The following IGSF21 variants were observed in gnomAD, a reference collection of about 807,000 sequenced individuals.
IGSF21 encodes the protein immunoglobulin superfamily member 21.
IGSF21 carries 28 observed loss-of-function variants against 46.8 expected under a neutral mutation model. That is an observed-to-expected ratio of 0.60 (90% CI 0.44 to 0.82). IGSF21 has a LOEUF of 0.82. Ranked by LOEUF, IGSF21 falls within the 40% of genes least tolerant of loss-of-function variation. IGSF21 has a pLI of 0.00. For synonymous variants in IGSF21, 284 were observed against 273.6 expected (o/e 1.04, Z -0.38); for missense variants, 624 against 665.5 (o/e 0.94, Z 0.69).
intron 2 of IGSF21, among the ~76,000 whole-genome samples, chr1:18,241,614 G>A (rs970190772): frequency 1.2e-4 from 18 of 152,194 alleles, no homozygotes; most frequent in East Asian, 1.9e-4. Context: ...GCAGTATGAG[G>A]ACTGGACCCT....
Position 18,334,551 on chromosome 1 carries a change from A to C in IGSF21, c.306-341A>C, listed in dbSNP as rs543658388. ...CCATACTGCATGCAGCGACATACTA[A>C]ATGCCCATACCTCTTCACCTGTGCC... On this transcript the variant is annotated intron_variant, in intron 3 of 9. Coordinates refer to ENST00000251296, the MANE Select transcript of IGSF21 (RefSeq NM_032880.5). The surrounding 1 kb of genome is among the most constrained non-coding windows in gnomAD (Gnocchi z 4.3). 2.7e-4 allele frequency among the ~76,000 whole-genome samples: 41 copies of C among 152,166 alleles called. No homozygotes were observed. The highest frequency in any genetic ancestry group is 9.6e-4 in the African/African-American group (40 of 41,514).
intron 2 of IGSF21, among the ~76,000 whole-genome samples, chr1:18,265,242 A>G (rs2084979639): frequency 6.6e-6 from 1 of 152,128 alleles, no homozygotes; most frequent in Non-Finnish European, 1.5e-5. Context: ...AGAAATATTA[A>G]TGTTGAGTGA....
intron 1 of IGSF21, among the ~76,000 whole-genome samples, chr1:18,224,632 G>C (rs960772926): frequency 1.3e-5 from 2 of 152,156 alleles, no homozygotes; most frequent in Admixed American, 6.5e-5. Context: ...GTACGGAATA[G>C]ATTCTCAATT....
intron 1 of IGSF21, among the ~76,000 whole-genome samples, chr1:18,159,136 G>A (rs768001620): frequency 4.5e-4 from 69 of 152,202 alleles, no homozygotes; most frequent in Non-Finnish European, 8.1e-4. Flanking sequence ...AGTTCCTCCA[G>A]CTGTTCTGTT....
rs151031538 is a variant in IGSF21, at chr1:18,224,854, C to T, written c.71-3044C>T. ...CCCAGGCGGGTGGATCACTTGAGGT[C>T]AGGAGTTTGAGATCACCCTGGCCGA... On this transcript the variant is annotated intron_variant, in intron 1 of 9. Coordinates refer to ENST00000251296, the MANE Select transcript of IGSF21 (RefSeq NM_032880.5). Among the ~76,000 whole-genome samples, 47 of 152,068 alleles carry T rather than the reference C, an allele frequency of 3.1e-4. No individual in the cohort carries two copies. In the East Asian group the frequency reaches 7.6e-3, roughly 25 times the overall value.
intron 6 of IGSF21, among the ~76,000 whole-genome samples, chr1:18,374,593 C>G (rs1447826998): frequency 6.6e-6 from 1 of 151,622 alleles, no homozygotes; most frequent in Non-Finnish European, 1.5e-5. Flanking sequence ...GATTCCCTCT[C>G]CTTGGTGCAA....
intron 1 of IGSF21, among the ~76,000 whole-genome samples, chr1:18,138,422 A>G (rs2086386442): frequency 6.6e-6 from 1 of 152,056 alleles, no homozygotes; most frequent in South Asian, 2.1e-4. Flanking sequence ...TACTACTGCT[A>G]CTGTTATTGC....
At chr1:18,214,658 G>A (rs918919376) in intron 1 of IGSF21, among the ~76,000 whole-genome samples, 2 of 152,202 alleles carry the variant, frequency 1.3e-5, no homozygotes, top group Admixed American at 6.5e-5. Context: ...GGAAGGTGAA[G>A]GGGAAGCAAC....
intron 2 of IGSF21, among the ~76,000 whole-genome samples, chr1:18,280,500 A>G (rs1174553212): frequency 6.6e-6 from 1 of 152,142 alleles, no homozygotes; most frequent in East Asian, 1.9e-4. Flanking sequence ...TTTTACAGCT[A>G]ACAGCACTCA....
chr1:18,291,213 A>G (rs1467590723), intron 2 of IGSF21, among the ~76,000 whole-genome samples: 6 of 152,044 alleles, frequency 3.9e-5, no homozygotes, highest in African/African-American at 7.2e-5. Context: ...CGCTGGCTTC[A>G]TCGCCACCTC....
At position 18,378,470 on chromosome 1, in the gene IGSF21, A is replaced by G; in HGVS notation, c.*144A>G. The G allele has an allele frequency of 1.4e-6, 1 of 701,932 alleles. No individual in the cohort carries two copies. The highest frequency in any genetic ancestry group is 2.4e-6 in the Non-Finnish European group (1 of 423,630). The allele number at this position is 701,932 out of a possible 1,614,324, so 43.5% of individuals were successfully genotyped here. ...CAGTCGGTTTAATTAAAACAAACAG[A>G]ACAATTTTCCCCACCTCGGTTTGTG... On this transcript the variant is annotated 3_prime_UTR_variant, in exon 10 of 10. Transcript: ENST00000251296.
chr1:18,303,720 G>A (rs764842744), intron 3 of IGSF21, among the ~76,000 whole-genome samples: 53 of 152,338 alleles, frequency 3.5e-4, no homozygotes, highest in Admixed American at 6.5e-5. Flanking sequence ...GAGCAGGACA[G>A]GTAAGTTCTC....
chr1:18,153,010 G>A (rs535266219), intron 1 of IGSF21, among the ~76,000 whole-genome samples: 2 of 152,210 alleles, frequency 1.3e-5, no homozygotes, highest in Non-Finnish European at 2.9e-5. Context: ...GGAAAAGCAC[G>A]AGGGTTGATG....
intron 3 of IGSF21, among the ~76,000 whole-genome samples, chr1:18,302,194 C>T (rs1376989409): frequency 6.6e-6 from 1 of 151,942 alleles, no homozygotes; most frequent in Non-Finnish European, 1.5e-5. Context: ...CTCCAATGCT[C>T]AGCTTGACGC....
rs552055386 is a variant in IGSF21 at position 18,291,709 on chromosome 1, C to T, written c.184-157C>T. 5.3e-5 allele frequency among the ~76,000 whole-genome samples: 8 copies of T among 152,288 alleles called. No homozygotes were observed. The East Asian group carries it at 1.2e-3, about 22-fold the overall frequency. ...TCCTTCAGGAGGCAACTTAAAACAT[C>T]GCTGCCTCCAGGAAGCCCTCGGTTA... On this transcript the variant is annotated intron_variant, in intron 2 of 9. Transcript: ENST00000251296.
intron 4 of IGSF21, chr1:18,361,377 G>T (rs562800132): frequency 6.6e-6 from 1 of 152,248 alleles, no homozygotes; most frequent in Non-Finnish European, 1.5e-5. Flanking sequence ...TTTTTGTGAT[G>T]TGAAGATACT....
intron 3 of IGSF21, among the ~76,000 whole-genome samples, chr1:18,310,662 C>T (rs2085480554): frequency 6.6e-6 from 1 of 152,140 alleles, no homozygotes; most frequent in African/African-American, 2.4e-5. Context: ...GCTTGTTTGC[C>T]AAGGCTGCTG....
chr1:18,212,205 TG>T (rs2084399676), intron 1 of IGSF21, among the ~76,000 whole-genome samples: 1 of 152,248 alleles, frequency 6.6e-6, no homozygotes, highest in African/African-American at 2.4e-5. Flanking sequence ...CATCTCCCCT[TG>T]CCAGCCTTAA....
chr1:18,304,945 C>G (rs2085397168), intron 3 of IGSF21, among the ~76,000 whole-genome samples: 1 of 152,346 alleles, frequency 6.6e-6, no homozygotes, highest in African/African-American at 2.4e-5. Context: ...GCTCCAGGTG[C>G]TTCAAACCTT....
Sources: gnomAD v4.1 joint callset for allele counts (sites outside exome capture counted in the v4.1 genomes callset) on GRCh38, gnomAD v4.1.1 for gene constraint, Gnocchi (gnomAD v3.1) non-coding constraint, MANE v1.5 for transcripts, NCBI Gene and HGNC (gene_info 2026-07-23, HGNC 2026-07-21) for gene names.